FSD1L: variants seen among roughly 807,000 people sequenced by gnomAD.
FSD1L encodes the protein FSD1-like protein.
A neutral mutation model predicts 71.6 loss-of-function variants in FSD1L; 45 were observed. That is an observed-to-expected ratio of 0.63 (90% CI 0.49 to 0.81). The LOEUF (loss-of-function observed/expected upper bound fraction) is 0.81. Among genes scored for constraint, FSD1L ranks in the 30% least tolerant of loss-of-function variants. The probability of loss-of-function intolerance (pLI) is 0.00; values close to 1 mark genes in which losing one functional copy is unlikely to be tolerated. For synonymous variants in FSD1L, 197 were observed against 207.2 expected (o/e 0.95, Z 0.42); for missense variants, 561 against 618.1 (o/e 0.91, Z 0.98).
intron 13 of FSD1L, among the ~76,000 whole-genome samples, chr9:105,545,274 G>T (rs1168187937): frequency 6.8e-6 from 1 of 146,158 alleles, no homozygotes; most frequent in Non-Finnish European, 1.5e-5. Flanking sequence ...CATTGATTTT[G>T]TATCCTGAGA....
chr9:105,475,300 G>C (rs141459167), intron 5 of FSD1L, among the ~76,000 whole-genome samples: 1 of 152,280 alleles, frequency 6.6e-6, no homozygotes, highest in African/African-American at 2.4e-5. Flanking sequence ...GGAATAAAAA[G>C]TACAGTTGGG....
intron 1 of FSD1L, among the ~76,000 whole-genome samples, chr9:105,450,970 T>C (rs1306628846): frequency 1.3e-5 from 2 of 152,232 alleles, no homozygotes; most frequent in African/African-American, 4.8e-5. Flanking sequence ...TTTTTCCTTT[T>C]TTTTGAGACG....
intron 7 of FSD1L, among the ~76,000 whole-genome samples, chr9:105,496,304 A>G (rs750371247): frequency 6.9e-6 from 1 of 145,488 alleles, no homozygotes; most frequent in African/African-American, 2.6e-5. Context: ...CTCCCGTACT[A>G]TGTCTGAGAG....
intron 10 of FSD1L, among the ~76,000 whole-genome samples, chr9:105,515,788 G>GTT (rs751684787): frequency 1.2e-3 from 172 of 144,506 alleles, no homozygotes; most frequent in South Asian, 9.1e-3. Flanking sequence ...GCTGCAGAAG[G>GTT]TTTTTTTTTT....
In FSD1L at chr9:105,534,561, A is replaced by G; in HGVS notation, c.1094A>G (p.Asp365Gly). Residue 365 changes from aspartate to glycine, a missense_variant, in exon 11 of 14, where the codon GAT becomes GGT. Coordinates refer to ENST00000481272, the MANE Select transcript of FSD1L (RefSeq NM_001145313.3). Reference protein sequence around the residue: ...SRPPAVRGSRDRFTGESYTVL... With the variant: ...SRPPAVRGSRGRFTGESYTVL... ...CCACCAGCAGTAAGAGGCAGTAGAG[A>G]TCGTTTTACTGGAGAATCATACACA... 1 of 1,550,232 alleles carries G rather than the reference A, an allele frequency of 6.5e-7. No homozygotes were observed. The highest frequency in any genetic ancestry group is 8.7e-7 in the Non-Finnish European group (1 of 1,145,416).
intron 1 of FSD1L, among the ~76,000 whole-genome samples, chr9:105,449,550 A>G (rs1302221165): frequency 1.3e-5 from 2 of 152,224 alleles, no homozygotes; most frequent in Non-Finnish European, 2.9e-5. Context: ...TGTGATAAGG[A>G]GCAAGTCACT....
At chr9:105,508,552 C>T (rs944136511) in intron 8 of FSD1L, 65 bp from the exon 9 acceptor site, 15 of 910,458 alleles carry the variant, frequency 1.6e-5, no homozygotes, top group Non-Finnish European at 2.6e-5. Context: ...AAGGCTCATA[C>T]TCTTACTTTT....
At chr9:105,468,907 T>C (rs1331029250) in intron 4 of FSD1L, among the ~76,000 whole-genome samples, 1 of 152,222 alleles carries the variant, frequency 6.6e-6, no homozygotes, top group Non-Finnish European at 1.5e-5. Context: ...AGTGAAACTT[T>C]ATGTCCCTTG....
intron 6 of FSD1L, among the ~76,000 whole-genome samples, chr9:105,482,010 A>G (rs1472265276): frequency 3.9e-5 from 6 of 152,114 alleles, no homozygotes; most frequent in African/African-American, 1.4e-4. Context: ...CCTGGGCTCA[A>G]GCTGTCCTCT....
chr9:105,484,404 G>C lies in FSD1L; in HGVS notation c.488G>C (p.Arg163Pro), dbSNP rs372183148. The C allele has an allele frequency of 6.6e-7, 1 of 1,525,042 alleles. No individual in the cohort carries two copies. Among genetic ancestry groups the C allele is most frequent in the South Asian group, 1.3e-5 (1 of 78,360 alleles). The allele number at this position is 1,525,042 out of a possible 1,614,324, so 94.5% of individuals were successfully genotyped here. A position where few individuals can be genotyped will look rare whatever the true frequency, so the allele number is the denominator to read the frequency against. Residue 163 changes from arginine to proline, a missense_variant, in exon 7 of 14, where the codon CGC becomes CCC. By Grantham distance (103) the Arg-to-Pro change is moderately radical. Transcript: ENST00000481272. ...AGAGTCACAATGGCTTCAGCCTTTC[G>C]CCTTTCTTTGAAACCAAAGGTCAGT... is the stretch of plus-strand genomic sequence containing the variant. Reference protein sequence around the residue: ...KDRVTMASAFRLSLKPKVSDN... With the variant: ...KDRVTMASAFPLSLKPKVSDN...
intron 2 of FSD1L, among the ~76,000 whole-genome samples, chr9:105,463,264 A>G (rs533213767): frequency 1.3e-5 from 2 of 152,340 alleles, no homozygotes; most frequent in African/African-American, 4.8e-5. Context: ...ACAAAGTCTT[A>G]TAGGCTTTAT....
At chr9:105,442,538 A>T in the FSD1L span, among the ~76,000 whole-genome samples, 2 of 151,520 alleles carry the variant, frequency 1.3e-5, no homozygotes, top group African/African-American at 4.9e-5. Flanking sequence ...AAAAAAAAAA[A>T]TTAGCTGGGC....
At chr9:105,453,463 T>C (rs1185035418) in intron 1 of FSD1L, among the ~76,000 whole-genome samples, 1 of 152,108 alleles carries the variant, frequency 6.6e-6, no homozygotes, top group East Asian at 1.9e-4. Flanking sequence ...CAGGAGACAC[T>C]GCGCCTGGCC....
At chr9:105,512,177 T>A (rs1398819089) in intron 9 of FSD1L, among the ~76,000 whole-genome samples, 1 of 151,670 alleles carries the variant, frequency 6.6e-6, no homozygotes, top group African/African-American at 2.4e-5. Context: ...CCTCAAAATA[T>A]TAAATAATCT....
chr9:105,462,519 C>CG (rs1564081785), intron 2 of FSD1L, among the ~76,000 whole-genome samples: 1 of 115,044 alleles, frequency 8.7e-6, no homozygotes, highest in Non-Finnish European at 1.7e-5. Context: ...CTGTGACTGA[C>CG]ATTTTTTTTT....
chr9:105,520,143 C>T, intron 10 of FSD1L: 2 of 1,605,768 alleles, frequency 1.2e-6, no homozygotes, highest in Non-Finnish European at 1.7e-6. Context: ...CTCCAAGAAG[C>T]CGCACGGGGA....
At chr9:105,539,932 A>T (rs1836500740) in intron 13 of FSD1L, among the ~76,000 whole-genome samples, 1 of 152,110 alleles carries the variant, frequency 6.6e-6, no homozygotes. Flanking sequence ...GGGGCTATAC[A>T]AATAGAACTG....
rs564324121 is a variant in FSD1L at position 105,525,559 on chromosome 9, A to G, written c.1026-8934A>G. The G allele has an allele frequency of 8.7e-6, 14 of 1,612,774 alleles. No individual in the cohort carries two copies. The African/African-American group carries it at 1.1e-4, about 12-fold the overall frequency. ...TTATTATTGCAGATTGCTTCTTAGT[A>G]TATTGGGAATGAATTCCTGGGACAA... On this transcript the variant is annotated intron_variant, in intron 10 of 13. Transcript: ENST00000481272.
chr9:105,494,759 G>A (rs1833232131), intron 7 of FSD1L, among the ~76,000 whole-genome samples: 1 of 152,162 alleles, frequency 6.6e-6, no homozygotes. Context: ...GTTTGCTAGA[G>A]GTGCACTCCA....
Sources: allele counts gnomAD v4.1 joint callset (sites outside exome capture counted in the v4.1 genomes callset), GRCh38; gene constraint gnomAD v4.1.1; transcripts MANE v1.5; gene names NCBI Gene and HGNC (gene_info 2026-07-23, HGNC 2026-07-21).